Variants in ARNT2 observed in about 807,000 individuals in gnomAD.
ARNT2 encodes ARNT protein 2.
A neutral mutation model predicts 91.7 loss-of-function variants in ARNT2; 36 were observed. That is an observed-to-expected ratio of 0.39 (90% CI 0.30 to 0.52). The LOEUF is 0.52. Among genes scored for constraint, ARNT2 ranks in the 20% least tolerant of loss-of-function variants. ARNT2 has a pLI of 0.72. For synonymous variants in ARNT2, 365 were observed against 347.1 expected, an observed-to-expected ratio of 1.05 and a Z score of -0.57; for missense variants, 775 against 939.3, an observed-to-expected ratio of 0.83 and a Z score of 2.29.
chr15:80,473,899 T>C (rs949702915), intron 4 of ARNT2, among the ~76,000 whole-genome samples: 2 of 152,164 alleles, frequency 1.3e-5, no homozygotes, highest in Non-Finnish European at 2.9e-5. Context: ...TCACATAAGA[T>C]TACATTCAAA....
intron 5 of ARNT2, among the ~76,000 whole-genome samples, chr15:80,482,054 G>C (rs1308535692): frequency 6.6e-6 from 1 of 152,172 alleles, no homozygotes; most frequent in African/African-American, 2.4e-5. Context: ...GACTACAGGT[G>C]GGTGTCACTG....
intron 14 of ARNT2, among the ~76,000 whole-genome samples, chr15:80,576,022 C>T (rs1254942165): frequency 6.6e-6 from 1 of 152,202 alleles, no homozygotes; most frequent in Non-Finnish European, 1.5e-5. Context: ...CACTGAATTG[C>T]CACTACAGCC....
intron 1 of ARNT2, chr15:80,442,958 ATCATTCAGGCCTTG>A: frequency 1.0e-6 from 1 of 985,388 alleles, no homozygotes; most frequent in East Asian, 1.1e-4. Flanking sequence ...TTGCGGCTCC[ATCATTCAGGCCTTG>A]TCATCTCTCA....
chr15:80,526,653 T>C (rs1897644874), intron 8 of ARNT2, among the ~76,000 whole-genome samples: 1 of 152,194 alleles, frequency 6.6e-6, no homozygotes, highest in African/African-American at 2.4e-5. Flanking sequence ...TTGGCTCCCT[T>C]GTGTGCTTTC....
At chr15:80,503,996 C>T (rs1897236296) in intron 5 of ARNT2, among the ~76,000 whole-genome samples, 1 of 152,206 alleles carries the variant, frequency 6.6e-6, no homozygotes, top group Non-Finnish European at 1.5e-5. Context: ...AGTTCTAGCA[C>T]AGCGTGACAG....
chr15:80,462,409 CAA>C lies in ARNT2; in HGVS notation c.194+4436_194+4437del, dbSNP rs1896573687. ...ATGTATGCGTAATGTGTCATTAAAA[CAA>C]AAGAGAGGAAACATTCCTAATGTAA... On this transcript the variant is annotated intron_variant, in intron 3 of 18. Transcript: ENST00000303329. Among the ~76,000 whole-genome samples, 4 of 152,290 alleles carry C rather than the reference CAA, an allele frequency of 2.6e-5. No individual in the cohort carries two copies. In the South Asian group the frequency reaches 6.2e-4, roughly 24 times the overall value.
At chr15:80,432,232 G>A (rs570326578) in intron 1 of ARNT2, among the ~76,000 whole-genome samples, 3 of 152,296 alleles carry the variant, frequency 2.0e-5, no homozygotes, top group South Asian at 2.1e-4. Flanking sequence ...CGGGGGGAAC[G>A]GCAGTGTCTT....
rs1027522645 is a variant in ARNT2, at chr15:80,553,111, G to C, written c.1089+337G>C. Reference sequence around the variant, plus strand: ...TAATGTGGAAGACCCTGCAAATCCTGGTAAAGATGCCTACCTAATTTTGCC... The same window carrying C: ...TAATGTGGAAGACCCTGCAAATCCTCGTAAAGATGCCTACCTAATTTTGCC... On this transcript the variant is annotated intron_variant, in intron 10 of 18. Transcript: ENST00000303329. 2.0e-5 allele frequency among the ~76,000 whole-genome samples: 3 copies of C among 152,122 alleles called. No homozygotes were observed. In the East Asian group the frequency reaches 5.8e-4, roughly 29 times the overall value.
At position 80,404,532 on chromosome 15, in the gene ARNT2, C is replaced by T; in HGVS notation, c.17C>T (p.Ala6Val). 1 of 1,215,674 alleles carries T rather than the reference C, an allele frequency of 8.2e-7. No individual in the cohort carries two copies. 75.3% of individuals were successfully genotyped at this position (1,215,674 alleles called of 1,614,324 possible). The change falls in exon 1 of 19, where the codon GCG becomes GTG. Residue 6 changes from alanine (A) to valine (V), a missense_variant. Physicochemically the swap from Ala to Val is moderately conservative, Grantham distance 64. Transcript: ENST00000303329. This position sits in a 1 kb window ranked among gnomAD's most constrained non-coding sequence, Gnocchi z 5.5. MATPA[A>V]VNPPEMASDI... ...CCGAGCAAGATGGCAACCCCGGCGG[C>T]GGTCAACCCTCCGGGTGAGTAGCGG... is the stretch of plus-strand genomic sequence containing the variant.
chr15:80,473,153 T>A (rs960659183), intron 4 of ARNT2, among the ~76,000 whole-genome samples: 51 of 152,342 alleles, frequency 3.3e-4, no homozygotes, highest in African/African-American at 1.2e-3. Context: ...TGAAGTAACA[T>A]GCCCAAAGTT....
At chr15:80,473,455 G>C (rs1408367701) in intron 4 of ARNT2, among the ~76,000 whole-genome samples, 1 of 152,196 alleles carries the variant, frequency 6.6e-6, no homozygotes, top group Non-Finnish European at 1.5e-5. Context: ...CTCTCCTCCA[G>C]TGACAAAGAA....
intron 5 of ARNT2, among the ~76,000 whole-genome samples, chr15:80,493,385 T>C (rs542356111): frequency 9.3e-4 from 142 of 152,228 alleles, no homozygotes; most frequent in Middle Eastern, 3.4e-3. Flanking sequence ...TTCTGATTTT[T>C]CCTGAATTGT....
At chr15:80,453,821 G>A (rs1181211637) in intron 2 of ARNT2, among the ~76,000 whole-genome samples, 3 of 152,166 alleles carry the variant, frequency 2.0e-5, no homozygotes, top group African/African-American at 7.2e-5. Context: ...GGGGGTGGTG[G>A]AAGGGGGTAG....
chr15:80,501,590 C>T (rs1162808162), intron 5 of ARNT2, among the ~76,000 whole-genome samples: 2 of 152,148 alleles, frequency 1.3e-5, no homozygotes, highest in Non-Finnish European at 2.9e-5. Context: ...TGCATTATTC[C>T]AGAGTGGTCT....
In ARNT2 at chr15:80,551,282, A is replaced by G; in HGVS notation, c.954+7A>G. The stretch of plus-strand genomic sequence containing the variant: ...GGCAATTGGGAGACTCCAGGTAAGA[A>G]AAAATTCGTAGCCTTTTTAATCTTA... On this transcript the variant is annotated splice_region_variant and intron_variant, in intron 9 of 18. Transcript: ENST00000303329. 8 of 1,612,278 alleles carry G rather than the reference A, an allele frequency of 5.0e-6. No homozygotes were observed. Among genetic ancestry groups the G allele is most frequent in the Non-Finnish European group, 5.9e-6 (7 of 1,178,388 alleles).
chr15:80,481,749 A>G (rs377729889), intron 5 of ARNT2, among the ~76,000 whole-genome samples: 1 of 152,068 alleles, frequency 6.6e-6, no homozygotes. Context: ...ACAGTGAAAT[A>G]TTAATAGCTG....
chr15:80,451,693 C>CCAAT (rs891946841), intron 2 of ARNT2, among the ~76,000 whole-genome samples: 1 of 151,754 alleles, frequency 6.6e-6, no homozygotes, highest in Non-Finnish European at 1.5e-5. Context: ...AACCAACCAA[C>CCAAT]CAATCAACCA....
At chr15:80,537,051 C>T (rs746292308) in intron 8 of ARNT2, among the ~76,000 whole-genome samples, 4 of 152,246 alleles carry the variant, frequency 2.6e-5, no homozygotes, top group African/African-American at 7.2e-5. Flanking sequence ...AAACCTAGAG[C>T]ACTCTTTCAT....
chr15:80,514,213 C>G, intron 7 of ARNT2, 107 bp from the exon 8 acceptor site: 1 of 1,232,658 alleles, frequency 8.1e-7, no homozygotes, highest in Non-Finnish European at 1.2e-6. Flanking sequence ...GATTCAAAAC[C>G]ACAAAGGCAG....
Sources: allele counts gnomAD v4.1 joint callset (sites outside exome capture counted in the v4.1 genomes callset), GRCh38; gene constraint gnomAD v4.1.1; non-coding constraint Gnocchi (gnomAD v3.1); transcripts MANE v1.5; gene names NCBI Gene and HGNC (gene_info 2026-07-23, HGNC 2026-07-21).